VIT: variants seen among roughly 807,000 people sequenced by gnomAD.
VIT encodes vitrin.
VIT carries 99 observed loss-of-function variants against 78.0 expected under a neutral mutation model. The observed-to-expected ratio is 1.27, with a 90% CI of 1.08 to 1.50. The LOEUF (loss-of-function observed/expected upper bound fraction) is 1.50. VIT is among the 40% of genes most tolerant of loss of function. The pLI is 0.00. For synonymous variants in VIT, 374 were observed against 334.3 expected, an observed-to-expected ratio of 1.12 and a Z score of -1.29; for missense variants, 1,126 against 875.3, an observed-to-expected ratio of 1.29 and a Z score of -3.61.
intron 3 of VIT, among the ~76,000 whole-genome samples, chr2:36,741,356 CTGTT>C (rs1667823900): frequency 6.6e-6 from 1 of 152,220 alleles, no homozygotes; most frequent in Admixed American, 6.5e-5. Context: ...AACCACAAAA[CTGTT>C]TGAAGCACAG....
At chr2:36,807,943 T>C (rs987388102) in intron 14 of VIT, among the ~76,000 whole-genome samples, 1 of 152,182 alleles carries the variant, frequency 6.6e-6, no homozygotes, top group African/African-American at 2.4e-5. Flanking sequence ...GAGAGAATCA[T>C]TCCAAGAGCA....
intron 10 of VIT, among the ~76,000 whole-genome samples, chr2:36,782,884 T>A (rs1000077550): frequency 2.0e-5 from 3 of 152,218 alleles, no homozygotes; most frequent in Non-Finnish European, 4.4e-5. Context: ...CATTAGATTG[T>A]CCTTCTTGTG....
intron 2 of VIT, among the ~76,000 whole-genome samples, chr2:36,716,718 C>A (rs1183016534): frequency 6.6e-6 from 1 of 152,040 alleles, no homozygotes; most frequent in South Asian, 2.1e-4. Context: ...TATTCCTCAG[C>A]AATTAGCAAG....
chr2:36,784,743 C>T (rs1049717169), intron 11 of VIT, among the ~76,000 whole-genome samples: 1 of 152,220 alleles, frequency 6.6e-6, no homozygotes, highest in Non-Finnish European at 1.5e-5. Context: ...TCTTCTTTAG[C>T]CATAATAAAT....
intron 7 of VIT, among the ~76,000 whole-genome samples, chr2:36,770,517 C>G (rs562570240): frequency 6.6e-6 from 1 of 152,258 alleles, no homozygotes; most frequent in African/African-American, 2.4e-5. Context: ...ATGTGCACAC[C>G]AGCAAGACAG....
At chr2:36,758,945 G>GT (rs199720074) in intron 5 of VIT, 24 bp from the exon 6 acceptor site, 56,954 of 1,099,634 alleles carry the variant, frequency 0.052, 1 homozygote, top group Non-Finnish European at 0.057. Context: ...AATAAATCTC[G>GT]TTTTTTTTTT....
At chr2:36,765,435 A>AGAGAGAGAGAGAGAGAGAGAGAGAG (rs1553372934) in intron 6 of VIT, among the ~76,000 whole-genome samples, 25 of 135,380 alleles carry the variant, frequency 1.8e-4, no homozygotes, top group African/African-American at 3.0e-4. Context: ...GAGAGAGAGA[A>AGAGAGAGAGAGAGAGAGAGAGAGAG]AGAGAGAGAG....
chr2:36,740,373 A>G (rs2148510737), intron 3 of VIT, among the ~76,000 whole-genome samples: 1 of 152,368 alleles, frequency 6.6e-6, no homozygotes, highest in South Asian at 2.1e-4. Context: ...CATAGTTTCC[A>G]TATACTTAAA....
chr2:36,712,932 A>C (rs1329743576), intron 1 of VIT, among the ~76,000 whole-genome samples: 1 of 152,214 alleles, frequency 6.6e-6, no homozygotes, highest in Non-Finnish European at 1.5e-5. Context: ...TTTCCTAGGG[A>C]AAAGGGAGAG....
At chr2:36,793,833 G>A (rs1177163509) in intron 12 of VIT, among the ~76,000 whole-genome samples, 1 of 152,206 alleles carries the variant, frequency 6.6e-6, no homozygotes, top group African/African-American at 2.4e-5. Flanking sequence ...GGGTAAACCA[G>A]TAGACCCTGG....
intron 1 of VIT, among the ~76,000 whole-genome samples, chr2:36,701,894 C>A (rs1282301736): frequency 6.6e-6 from 1 of 152,158 alleles, no homozygotes; most frequent in East Asian, 1.9e-4. Flanking sequence ...ATTTTTTGGG[C>A]CACCTCCATG....
intron 1 of VIT, among the ~76,000 whole-genome samples, chr2:36,705,594 T>C (rs1208254249): frequency 6.6e-6 from 1 of 152,176 alleles, no homozygotes; most frequent in Non-Finnish European, 1.5e-5. Flanking sequence ...GCTGTGTACA[T>C]GGATGAGGTC....
chr2:36,777,439 T>C (rs973619970), intron 9 of VIT, among the ~76,000 whole-genome samples: 2 of 152,118 alleles, frequency 1.3e-5, no homozygotes, highest in African/African-American at 4.8e-5. Flanking sequence ...AACTATGCTG[T>C]AGACTATTAA....
chr2:36,769,791 T>C (rs1025143344), intron 7 of VIT, among the ~76,000 whole-genome samples: 2 of 152,124 alleles, frequency 1.3e-5, no homozygotes, highest in Non-Finnish European at 2.9e-5. Context: ...TTCTAGAACA[T>C]TTTCATCCCC....
At chr2:36,796,794 T>C (rs535599875) in intron 12 of VIT, among the ~76,000 whole-genome samples, 27 of 152,294 alleles carry the variant, frequency 1.8e-4, no homozygotes, top group African/African-American at 5.1e-4. Flanking sequence ...GGAACCTTTA[T>C]ATTTTTGCTT....
intron 12 of VIT, among the ~76,000 whole-genome samples, chr2:36,790,793 A>C (rs1197952593): frequency 6.6e-6 from 1 of 152,242 alleles, no homozygotes; most frequent in Admixed American, 6.5e-5. Flanking sequence ...TCGTGTGTGG[A>C]CAAAAGGCCA....
chr2:36,739,987 A>G (rs1386176863), intron 3 of VIT, among the ~76,000 whole-genome samples: 1 of 152,246 alleles, frequency 6.6e-6, no homozygotes, highest in Non-Finnish European at 1.5e-5. Flanking sequence ...ACCTGAGGTT[A>G]GCTGTGGGGA....
rs1483126309 is a variant in VIT, at chr2:36,808,497, A to G, written c.1415A>G (p.Tyr472Cys). 2 of 1,611,078 alleles carry G rather than the reference A, an allele frequency of 1.2e-6. No individual in the cohort carries two copies. Among genetic ancestry groups the G allele is most frequent in the Admixed American group, 3.3e-5 (2 of 59,962 alleles). ...NKAVCRTNGFYSLHVQSWFGL... is the reference protein window; with the variant it reads ...NKAVCRTNGFCSLHVQSWFGL... ...GCCGTGTGCAGAACAAACGGCTTCTACTCGCTCCACGTGCAGAGCTGGTTT... is the reference window on the plus strand; with the variant it reads ...GCCGTGTGCAGAACAAACGGCTTCTGCTCGCTCCACGTGCAGAGCTGGTTT... The change falls in exon 15 of 16, where the codon TAC becomes TGC. Residue 472 changes from tyrosine (Y) to cysteine (C), a missense_variant. Tyr to Cys is a radical substitution (Grantham distance 194). Transcript: ENST00000379242.
At chr2:36,759,665 G>C in intron 6 of VIT, 1 of 990,174 alleles carries the variant, frequency 1.0e-6, no homozygotes. Flanking sequence ...GAGAAACTGT[G>C]AGTCGCTTTA....
Sources: allele counts gnomAD v4.1 joint callset (sites outside exome capture counted in the v4.1 genomes callset), GRCh38; gene constraint gnomAD v4.1.1; transcripts MANE v1.5; gene names NCBI Gene and HGNC (gene_info 2026-07-23, HGNC 2026-07-21).